The following CCDC146 variants were observed in gnomAD, a reference collection of about 807,000 sequenced individuals.
CCDC146 encodes the protein coiled-coil domain containing 146, also known as coiled-coil domain-containing protein 146.
Under a neutral mutation model 119.3 loss-of-function variants are expected in CCDC146, and 92 were observed. That is an observed-to-expected ratio of 0.77 (90% CI 0.65 to 0.92). The LOEUF (loss-of-function observed/expected upper bound fraction) is 0.92. Among genes scored for constraint, CCDC146 ranks in the 40% least tolerant of loss-of-function variants. The probability of loss-of-function intolerance (pLI) is 0.00; values close to 1 mark genes in which losing one functional copy is unlikely to be tolerated. For synonymous variants in CCDC146, 372 were observed against 371.8 expected (o/e 1.00, Z -0.01); for missense variants, 1,000 against 1,103.0 (o/e 0.91, Z 1.32).
At chr7:77,213,238 C>T (rs946482045) in intron 2 of CCDC146, among the ~76,000 whole-genome samples, 3 of 151,576 alleles carry the variant, frequency 2.0e-5, no homozygotes, top group African/African-American at 7.3e-5. Flanking sequence ...CACAGGTGTG[C>T]ACCACTATGC....
intron 1 of CCDC146, among the ~76,000 whole-genome samples, chr7:77,147,559 T>C (rs555611693): frequency 6.6e-6 from 1 of 152,354 alleles, no homozygotes; most frequent in South Asian, 2.1e-4. Context: ...CTTTGGTCTT[T>C]GATGATGGTG....
At chr7:77,242,007 T>C (rs1792859067) in intron 4 of CCDC146, 107 bp downstream of exon 4, 1 of 789,260 alleles carries the variant, frequency 1.3e-6, no homozygotes, top group South Asian at 1.8e-5. Flanking sequence ...AGCAGTACGA[T>C]GATGATTGCA....
intron 2 of CCDC146, among the ~76,000 whole-genome samples, chr7:77,200,948 ATTAC>A (rs1308846748): frequency 1.3e-5 from 2 of 152,184 alleles, no homozygotes; most frequent in Non-Finnish European, 2.9e-5. Flanking sequence ...GTTTTATTGT[ATTAC>A]TTAAAACACT....
chr7:77,173,428 A>G (rs373910863), intron 2 of CCDC146, among the ~76,000 whole-genome samples: 12 of 152,228 alleles, frequency 7.9e-5, no homozygotes, highest in East Asian at 5.8e-4. Context: ...CAGGGGTTCC[A>G]GACCAGCCTG....
intron 2 of CCDC146, among the ~76,000 whole-genome samples, chr7:77,233,766 A>G (rs1584096712): frequency 2.0e-5 from 3 of 152,202 alleles, no homozygotes; most frequent in African/African-American, 7.2e-5. Flanking sequence ...CCCGCTGCTC[A>G]TCTCCTGCTG....
At chr7:77,231,517 C>A (rs2150476044) in intron 2 of CCDC146, among the ~76,000 whole-genome samples, 1 of 152,176 alleles carries the variant, frequency 6.6e-6, no homozygotes, top group East Asian at 1.9e-4. Flanking sequence ...TAAGTGGGCA[C>A]TACTGCCTTC....
At chr7:77,138,556 T>G (rs1376359658) in intron 1 of CCDC146, among the ~76,000 whole-genome samples, 3 of 152,046 alleles carry the variant, frequency 2.0e-5, no homozygotes, top group African/African-American at 7.2e-5. Flanking sequence ...ATTTAAAAGT[T>G]CTGCACTACG....
intron 1 of CCDC146, among the ~76,000 whole-genome samples, chr7:77,136,111 G>A (rs3114337): frequency 0.21 from 31,362 of 152,104 alleles, 3,577 homozygotes; most frequent in African/African-American, 0.23. Flanking sequence ...TGAAAACAAC[G>A]TATCAACGTT....
chr7:77,193,777 C>A (rs963180258), intron 2 of CCDC146: 1 of 152,294 alleles, frequency 6.6e-6, no homozygotes, highest in African/African-American at 2.4e-5. Flanking sequence ...GTAATCATGA[C>A]CTCAGAAATA....
chr7:77,124,964 A>G (rs71215130), intron 1 of CCDC146, among the ~76,000 whole-genome samples: 8,011 of 150,360 alleles, frequency 0.053, 640 homozygotes, highest in African/African-American at 0.19. Context: ...AGGCTGAGAC[A>G]GGTGGATCAC....
chr7:77,135,813 G>A (rs1053650695), intron 1 of CCDC146, among the ~76,000 whole-genome samples: 10 of 152,258 alleles, frequency 6.6e-5, no homozygotes, highest in African/African-American at 1.7e-4. Context: ...AAAGTAAATG[G>A]GTGGAGAAAA....
At chr7:77,160,858 A>C (rs950046932) in intron 1 of CCDC146, among the ~76,000 whole-genome samples, 4 of 152,328 alleles carry the variant, frequency 2.6e-5, no homozygotes, top group Non-Finnish European at 4.4e-5. Context: ...AAACCTACAA[A>C]ATGGGAGAAA....
chr7:77,180,707 C>G (rs1420065667), intron 2 of CCDC146, among the ~76,000 whole-genome samples: 1 of 152,004 alleles, frequency 6.6e-6, no homozygotes, highest in Non-Finnish European at 1.5e-5. Context: ...AAAAAAAGAT[C>G]CCTCCTTTAA....
chr7:77,207,034 TGTC>T (rs1276238317), intron 2 of CCDC146, among the ~76,000 whole-genome samples: 1 of 152,184 alleles, frequency 6.6e-6, no homozygotes, highest in African/African-American at 2.4e-5. Context: ...GAGATATAGA[TGTC>T]GTCATGTGAA....
rs371259074 is a variant in CCDC146 at position 77,291,292 on chromosome 7, C to G, written c.2416-1660C>G. 5.3e-5 allele frequency among the ~76,000 whole-genome samples: 8 copies of G among 152,252 alleles called. No homozygotes were observed. The East Asian group carries it at 7.7e-4, about 15-fold the overall frequency. On this transcript the variant is annotated intron_variant, in intron 17 of 18. Transcript: ENST00000285871. ...CTAAAAGAGTCTACCATTTATAAGA[C>G]AGCTTACAGGAACCCCTAATTCCAG...
intron 2 of CCDC146, among the ~76,000 whole-genome samples, chr7:77,193,008 T>C (rs1562828344): frequency 6.6e-6 from 1 of 152,152 alleles, no homozygotes; most frequent in Non-Finnish European, 1.5e-5. Context: ...ATGATCAGAA[T>C]TGTACTTTTG....
intron 4 of CCDC146, among the ~76,000 whole-genome samples, chr7:77,245,312 A>G (rs1310319841): frequency 2.0e-5 from 3 of 152,234 alleles, no homozygotes; most frequent in Non-Finnish European, 4.4e-5. Flanking sequence ...TTGAAACAAA[A>G]CAGGAGTACT....
intron 2 of CCDC146, among the ~76,000 whole-genome samples, chr7:77,175,980 A>C (rs527650980): frequency 2.6e-5 from 4 of 151,432 alleles, no homozygotes; most frequent in Admixed American, 1.3e-4. Context: ...CAGAAGGGAA[A>C]GGGAGGCTTG....
chr7:77,287,352 T>A, intron 16 of CCDC146, 88 bp from the exon 17 acceptor site: 1 of 1,346,136 alleles, frequency 7.4e-7, no homozygotes, highest in Non-Finnish European at 1.0e-6. Context: ...TTGTGGGGGG[T>A]AGGGGGAGAT....
Sources: allele counts gnomAD v4.1 joint callset (sites outside exome capture counted in the v4.1 genomes callset), GRCh38; gene constraint gnomAD v4.1.1; transcripts MANE v1.5; gene names NCBI Gene and HGNC (gene_info 2026-07-23, HGNC 2026-07-21).